Variants in BRF1 observed in about 807,000 individuals in gnomAD.
The protein encoded by BRF1 is BRF1 general transcription factor IIIB subunit.
BRF1 carries 59 observed loss-of-function variants against 81.7 expected under a neutral mutation model. The ratio of observed to expected loss-of-function variants is 0.72; its 90% confidence interval spans 0.59 to 0.90. The LOEUF (loss-of-function observed/expected upper bound fraction) is 0.90, where lower values mean the gene tolerates loss of function less well. Among genes scored for constraint, BRF1 ranks in the 40% least tolerant of loss-of-function variants. The pLI is 0.00. For synonymous variants in BRF1, 491 were observed against 395.6 expected, an observed-to-expected ratio of 1.24 and a Z score of -2.86; for missense variants, 1,050 against 936.3, an observed-to-expected ratio of 1.12 and a Z score of -1.58.
At chr14:105,282,693 G>A (rs1261836601) in intron 2 of BRF1, among the ~76,000 whole-genome samples, 2 of 152,216 alleles carry the variant, frequency 1.3e-5, no homozygotes, top group Admixed American at 1.3e-4. Context: ...AGCACTTTGG[G>A]AGGCCAAGGC....
intron 4 of BRF1, among the ~76,000 whole-genome samples, chr14:105,255,327 G>C (rs2055816879): frequency 1.3e-5 from 2 of 152,230 alleles, no homozygotes. Flanking sequence ...TTTTTAGCTT[G>C]ACCACAAAAT....
chr14:105,227,187 A>G (rs869304276), intron 7 of BRF1: 4 of 198,594 alleles, frequency 2.0e-5, no homozygotes, highest in African/African-American at 9.6e-5. Flanking sequence ...GGGAGGCCGA[A>G]GTGGTAGGAT....
At chr14:105,250,654 G>A (rs1259805594) in intron 5 of BRF1, 2 of 1,609,634 alleles carry the variant, frequency 1.2e-6, no homozygotes, top group East Asian at 2.2e-5. Context: ...AGATCCCTGA[G>A]CTCATTTTCT....
chr14:105,278,912 T>C (rs2056956413), intron 2 of BRF1, among the ~76,000 whole-genome samples: 1 of 151,938 alleles, frequency 6.6e-6, no homozygotes, highest in Non-Finnish European at 1.5e-5. Context: ...GGCATGGTGG[T>C]GCACACCTGT....
At chr14:105,301,466 C>T (rs1009657832), upstream of BRF1, among the ~76,000 whole-genome samples, 10 of 151,582 alleles carry the variant, frequency 6.6e-5, no homozygotes, top group Admixed American at 4.6e-4. Flanking sequence ...GGCCTTGGCT[C>T]CTGAGGGCGA....
At chr14:105,225,264 C>G (rs941488349) in intron 10 of BRF1, among the ~76,000 whole-genome samples, 6 of 152,212 alleles carry the variant, frequency 3.9e-5, no homozygotes, top group African/African-American at 1.4e-4. Context: ...ATACACAGTA[C>G]AGAATACAAA....
At chr14:105,245,365 A>T (rs150086676) in intron 5 of BRF1, among the ~76,000 whole-genome samples, 3,414 of 152,258 alleles carry the variant, frequency 0.022, 114 homozygotes, top group African/African-American at 0.077. Context: ...CATCTCAAAA[A>T]AAATAAATAA....
rs1336215970 is a variant in BRF1, at chr14:105,211,355, C to A, written c.1825-62G>T. On this transcript the variant is annotated intron_variant, in intron 16 of 17. Coordinates refer to ENST00000547530, the MANE Select transcript of BRF1 (RefSeq NM_001519.4). Reference sequence around the variant, plus strand: ...GGAGCCCTGTGTATCTCAACAGACCCCTCAGACCCACCAGGGCTGGCCCAG... The same window carrying A: ...GGAGCCCTGTGTATCTCAACAGACCACTCAGACCCACCAGGGCTGGCCCAG... 16 of 1,423,962 alleles carry A rather than the reference C, an allele frequency of 1.1e-5. No homozygotes were observed. The Admixed American group carries it at 1.2e-4, about 11-fold the overall frequency. The allele number at this position is 1,423,962 out of a possible 1,614,324, so 88.2% of individuals were successfully genotyped here.
intron 15 of BRF1, 40 bp downstream of exon 15, chr14:105,217,504 G>T: frequency 6.3e-7 from 1 of 1,593,948 alleles, no homozygotes. Flanking sequence ...GCCCGCCCTG[G>T]GCTGCTGCCC....
intron 3 of BRF1, among the ~76,000 whole-genome samples, chr14:105,263,397 A>G (rs896268151): frequency 2.0e-5 from 3 of 152,170 alleles, no homozygotes; most frequent in Non-Finnish European, 2.9e-5. Flanking sequence ...GGCACAGTGC[A>G]CTTAGTCCCT....
chr14:105,210,421 G>A lies in BRF1; in HGVS notation c.*130C>T. The A allele has an allele frequency of 2.1e-6, 2 of 973,894 alleles. No individual in the cohort carries two copies. The highest frequency in any genetic ancestry group is 3.1e-6 in the Non-Finnish European group (2 of 649,926). 60.3% of individuals were successfully genotyped at this position (973,894 alleles called of 1,614,324 possible). A position where few individuals can be genotyped will look rare whatever the true frequency, so the allele number is the denominator to read the frequency against. On this transcript the variant is annotated 3_prime_UTR_variant, in exon 18 of 18. Coordinates refer to ENST00000547530, the MANE Select transcript of BRF1 (RefSeq NM_001519.4). This position sits in a 1 kb window ranked among gnomAD's most constrained non-coding sequence, Gnocchi z 4.7. Reference sequence around the variant, plus strand: ...AAGTTCCACATGGGACGAGGGCTGTGGGACAGGTGCCACCTGTCACCAGGA... The same window carrying A: ...AAGTTCCACATGGGACGAGGGCTGTAGGACAGGTGCCACCTGTCACCAGGA...
At chr14:105,262,744 A>T (rs2056216051) in intron 3 of BRF1, among the ~76,000 whole-genome samples, 1 of 152,180 alleles carries the variant, frequency 6.6e-6, no homozygotes, top group Non-Finnish European at 1.5e-5. Context: ...TTTCAAGCAC[A>T]CACATGCAAC....
intron 5 of BRF1, chr14:105,248,455 A>G (rs1239702709): frequency 1.0e-6 from 1 of 985,106 alleles, no homozygotes; most frequent in Non-Finnish European, 1.2e-6. Context: ...GCTGGGCAGA[A>G]GCTCGAGCAG....
chr14:105,274,919 G>C (rs889688987), intron 2 of BRF1, among the ~76,000 whole-genome samples: 1 of 152,230 alleles, frequency 6.6e-6, no homozygotes, highest in African/African-American at 2.4e-5. Flanking sequence ...ATGTGTGGTG[G>C]GTCACGGCTC....
At chr14:105,218,153 G>GT (rs1340220042) in intron 14 of BRF1, among the ~76,000 whole-genome samples, 1 of 152,218 alleles carries the variant, frequency 6.6e-6, no homozygotes, top group Non-Finnish European at 1.5e-5. Context: ...CTGCTGCACT[G>GT]TGAGGGCTGC....
At chr14:105,272,996 T>G in intron 2 of BRF1, 102 bp from the exon 3 acceptor site, 1 of 1,330,616 alleles carries the variant, frequency 7.5e-7, no homozygotes, top group Non-Finnish European at 9.9e-7. Flanking sequence ...ATTTGTGCTT[T>G]TCCTTGTAAG....
Position 105,271,605 on chromosome 14 carries a change from A to G in BRF1, c.439+1116T>C, listed in dbSNP as rs587745144. Among the ~76,000 whole-genome samples the G allele has an allele frequency of 5.6e-4, 86 of 152,360 alleles. No homozygotes were observed. The highest frequency in any genetic ancestry group is 2.0e-3 in the African/African-American group (83 of 41,586). ...GGACCAGGAAGCGGGGAGTCCCCAGAGAGCAGGGAAAAGATGCAGGTGCAC... is the reference window on the plus strand; with the variant it reads ...GGACCAGGAAGCGGGGAGTCCCCAGGGAGCAGGGAAAAGATGCAGGTGCAC... On this transcript the variant is annotated intron_variant, in intron 3 of 17. Coordinates refer to ENST00000547530, the MANE Select transcript of BRF1 (RefSeq NM_001519.4). The surrounding 1 kb of genome is among the most constrained non-coding windows in gnomAD (Gnocchi z 5.5).
Position 105,226,149 on chromosome 14 carries a change from C to G in BRF1, c.968G>C (p.Ser323Thr), listed in dbSNP as rs373442568. The G allele has an allele frequency of 2.5e-6, 4 of 1,613,902 alleles. No individual in the cohort carries two copies. The highest frequency in any genetic ancestry group is 3.4e-6 in the Non-Finnish European group (4 of 1,180,040). Residue 323 changes from serine (S) to threonine (T), a missense_variant, in exon 10 of 18, where the codon AGT (serine) becomes ACT (threonine). Coordinates refer to ENST00000547530, the MANE Select transcript of BRF1 (RefSeq NM_001519.4). ...TTCAATCTCAATTGCATCCTGGTAA[C>G]TGGATATTTCACCTGAAGTCATAAG... ...KLEEVEGEIS[S>T]YQDAIEIELE...
chr14:105,226,743 T>C lies in BRF1; in HGVS notation c.806A>G (p.Asp269Gly). The C allele has an allele frequency of 1.2e-6, 2 of 1,613,612 alleles. No individual in the cohort carries two copies. Among genetic ancestry groups the C allele is most frequent in the South Asian group, 1.1e-5 (1 of 91,082 alleles). The change falls in exon 8 of 18, where the codon GAC becomes GGC. Residue 269 changes from aspartate to glycine, a missense_variant. Transcript: ENST00000547530. The part of the protein sequence containing the change: ...TLRKRLTEFE[D>G]TPTSQLTIDE... ...AATGGTCAACTGACTGGTGGGGGTG[T>C]CTTCAAATTCCGTGAGCCTAAAATG...
Sources: gnomAD v4.1 joint callset for allele counts (sites outside exome capture counted in the v4.1 genomes callset) on GRCh38, gnomAD v4.1.1 for gene constraint, Gnocchi (gnomAD v3.1) non-coding constraint, MANE v1.5 for transcripts, NCBI Gene and HGNC (gene_info 2026-07-23, HGNC 2026-07-21) for gene names.